Variants in NEDD4L observed in about 807,000 individuals in gnomAD.
The protein encoded by NEDD4L is E3 ubiquitin-protein ligase NEDD4-like.
A neutral mutation model predicts 148.9 loss-of-function variants in NEDD4L; 54 were observed. That is an observed-to-expected ratio of 0.36 (90% CI 0.29 to 0.45). NEDD4L has a LOEUF of 0.45. NEDD4L is among the 20% of genes least tolerant of loss of function. NEDD4L has a pLI of 1.00. For synonymous variants in NEDD4L, 433 were observed against 440.7 expected (o/e 0.98, Z 0.22); for missense variants, 856 against 1,233.8 (o/e 0.69, Z 4.59).
chr18:58,268,133 C>T (rs1037007884), intron 5 of NEDD4L, among the ~76,000 whole-genome samples: 1 of 152,062 alleles, frequency 6.6e-6, no homozygotes, highest in African/African-American at 2.4e-5. Context: ...GGTTCAGAAG[C>T]TTCTATACCA....
intron 1 of NEDD4L, among the ~76,000 whole-genome samples, chr18:58,152,814 G>A (rs2034949355): frequency 6.6e-6 from 1 of 152,176 alleles, no homozygotes; most frequent in South Asian, 2.1e-4. Flanking sequence ...CTGGGAAGAT[G>A]CCCTGTGCCA....
At chr18:58,078,268 A>G (rs2083270941) in intron 1 of NEDD4L, among the ~76,000 whole-genome samples, 1 of 152,176 alleles carries the variant, frequency 6.6e-6, no homozygotes, top group Admixed American at 6.5e-5. Flanking sequence ...GTAATCTCAA[A>G]CTTTGAGTGA....
intron 1 of NEDD4L, among the ~76,000 whole-genome samples, chr18:58,060,800 G>A (rs2082298898): frequency 1.3e-5 from 2 of 151,724 alleles, no homozygotes; most frequent in African/African-American, 2.4e-5. Context: ...CTCTTGTTGC[G>A]CAGGCTGGAG....
chr18:58,269,768 A>AT (rs370489949), intron 5 of NEDD4L, among the ~76,000 whole-genome samples: 78 of 151,040 alleles, frequency 5.2e-4, no homozygotes, highest in South Asian at 1.1e-3. Context: ...GATTTAATGC[A>AT]TTTTTTTTTC....
At position 58,251,900 on chromosome 18, in the gene NEDD4L, G is replaced by A. The variant is rs138444457; in HGVS notation, c.244-101G>A. Reference sequence around the variant, plus strand: ...ATAATTGTTCATATTATACAATTGAGTTGGGCGCATTGTAAAGCAGTATGT... The same window carrying A: ...ATAATTGTTCATATTATACAATTGAATTGGGCGCATTGTAAAGCAGTATGT... On this transcript the variant is annotated intron_variant, in intron 4 of 30. Coordinates refer to ENST00000400345, the MANE Select transcript of NEDD4L (RefSeq NM_001144967.3). 3.4e-4 allele frequency: 242 copies of A among 711,252 alleles called. 1 individual carries two copies. The African/African-American group carries it at 3.9e-3, about 11-fold the overall frequency. The allele number at this position is 711,252 out of a possible 1,614,324, so 44.1% of individuals were successfully genotyped here. A position where few individuals can be genotyped will look rare whatever the true frequency, so the allele number is the denominator to read the frequency against.
At chr18:58,083,694 C>CAAACA (rs1555685635) in intron 1 of NEDD4L, among the ~76,000 whole-genome samples, 10 of 150,678 alleles carry the variant, frequency 6.6e-5, no homozygotes, top group South Asian at 4.2e-4. Flanking sequence ...TCTCAAAAAA[C>CAAACA]AAAAAAAACA....
chr18:58,047,534 T>C, intron 1 of NEDD4L: 1 of 984,690 alleles, frequency 1.0e-6, no homozygotes, highest in Non-Finnish European at 1.2e-6. Flanking sequence ...ATGTGGGCTT[T>C]GCTTGTGTGA....
chr18:58,348,319 T>TTTTTTTCTTTTTTTTC (rs2043365702), intron 16 of NEDD4L, among the ~76,000 whole-genome samples: 1 of 135,454 alleles, frequency 7.4e-6, no homozygotes, highest in African/African-American at 3.1e-5. Context: ...TTCTTTTTCT[T>TTTTTTTCTTTTTTTTC]TTTTTTCTTT....
At chr18:58,273,660 C>T (rs181236142) in intron 5 of NEDD4L, among the ~76,000 whole-genome samples, 39 of 152,246 alleles carry the variant, frequency 2.6e-4, no homozygotes, top group African/African-American at 8.9e-4. Context: ...ATGCAGACAC[C>T]GTGTCATTGT....
chr18:58,313,841 G>A (rs1568661975), intron 5 of NEDD4L, among the ~76,000 whole-genome samples: 1 of 152,194 alleles, frequency 6.6e-6, no homozygotes, highest in Non-Finnish European at 1.5e-5. Flanking sequence ...AACAACACGG[G>A]CATATAGATA....
intron 5 of NEDD4L, among the ~76,000 whole-genome samples, chr18:58,312,102 G>A (rs780302640): frequency 8.5e-5 from 13 of 152,280 alleles, no homozygotes; most frequent in African/African-American, 2.6e-4. Flanking sequence ...TTCCAATATC[G>A]GAATATGAAT....
intron 24 of NEDD4L, among the ~76,000 whole-genome samples, chr18:58,374,537 C>G (rs2047297063): frequency 6.6e-6 from 1 of 151,830 alleles, no homozygotes; most frequent in Non-Finnish European, 1.5e-5. Context: ...GGACACTGTT[C>G]TCCTGCACGG....
At chr18:58,307,120 T>A (rs1333336153) in intron 5 of NEDD4L, among the ~76,000 whole-genome samples, 1 of 152,150 alleles carries the variant, frequency 6.6e-6, no homozygotes, top group Non-Finnish European at 1.5e-5. Flanking sequence ...GAGGAAAGGA[T>A]CTGAGACAGC....
chr18:58,061,021 A>G (rs973134558), intron 1 of NEDD4L, among the ~76,000 whole-genome samples: 1 of 152,054 alleles, frequency 6.6e-6, no homozygotes, highest in African/African-American at 2.4e-5. Flanking sequence ...CGGCCTCCCA[A>G]AGTGCTGGGA....
chr18:58,182,874 CTTTAT>C (rs2039014139), intron 2 of NEDD4L, among the ~76,000 whole-genome samples: 1 of 152,218 alleles, frequency 6.6e-6, no homozygotes, highest in Admixed American at 6.5e-5. Flanking sequence ...TTCTGCATTC[CTTTAT>C]TTTAAGTGTT....
chr18:58,151,086 C>A (rs2034668781), intron 1 of NEDD4L, among the ~76,000 whole-genome samples: 1 of 152,218 alleles, frequency 6.6e-6, no homozygotes, highest in Non-Finnish European at 1.5e-5. Flanking sequence ...TGGTGATTAA[C>A]AGCCTTGACT....
At chr18:58,187,708 G>A (rs570752650) in intron 2 of NEDD4L, among the ~76,000 whole-genome samples, 78 of 152,162 alleles carry the variant, frequency 5.1e-4, no homozygotes, top group African/African-American at 1.7e-3. Flanking sequence ...ATTCAAAGAC[G>A]ATTAAATGCA....
chr18:58,260,286 G>C lies in NEDD4L; in HGVS notation c.297+8232G>C, dbSNP rs374147036. Among the ~76,000 whole-genome samples, 7 of 152,332 alleles carry C rather than the reference G, an allele frequency of 4.6e-5. No homozygotes were observed. The South Asian group carries it at 8.3e-4, about 18-fold the overall frequency. On this transcript the variant is annotated intron_variant, in intron 5 of 30. Coordinates refer to ENST00000400345, the MANE Select transcript of NEDD4L (RefSeq NM_001144967.3). ...AACTTTCTTTCTTCTCTCATGTATAGTAATGCTCTCTCTTAATGTGGTCTT... is the reference window on the plus strand; with the variant it reads ...AACTTTCTTTCTTCTCTCATGTATACTAATGCTCTCTCTTAATGTGGTCTT...
intron 5 of NEDD4L, among the ~76,000 whole-genome samples, chr18:58,285,392 G>C (rs529947284): frequency 6.6e-6 from 1 of 151,390 alleles, no homozygotes; most frequent in East Asian, 2.0e-4. Context: ...GCAGTGGTGT[G>C]ATCTCGGCTC....
Sources: allele counts gnomAD v4.1 joint callset (sites outside exome capture counted in the v4.1 genomes callset), GRCh38; gene constraint gnomAD v4.1.1; transcripts MANE v1.5; gene names NCBI Gene and HGNC (gene_info 2026-07-23, HGNC 2026-07-21).